The following ACO2 variants were observed in gnomAD, a reference collection of about 807,000 sequenced individuals.
ACO2 encodes aconitase 2, also known as aconitate hydratase, mitochondrial.
In ACO2, 31 loss-of-function variants were observed where a neutral mutation model predicts 84.5. The observed-to-expected ratio is 0.37, with a 90% CI of 0.28 to 0.50. ACO2 has a LOEUF of 0.50. Among genes scored for constraint, ACO2 ranks in the 20% least tolerant of loss-of-function variants. The pLI, the probability that ACO2 is intolerant of heterozygous loss-of-function variation, is 0.97. For missense variants in ACO2, 685 were observed against 1,029.3 expected (o/e 0.67, Z 4.58); for synonymous variants, 414 against 412.7 (o/e 1.00, Z -0.04).
chr22:41,512,501 G>A (rs1215289709), intron 4 of ACO2, among the ~76,000 whole-genome samples: 1 of 152,182 alleles, frequency 6.6e-6, no homozygotes, highest in Non-Finnish European at 1.5e-5. Context: ...ACACCTAGCT[G>A]GCTTACTGTG....
chr22:41,494,292 C>G (rs890716734), intron 1 of ACO2, among the ~76,000 whole-genome samples: 1 of 152,094 alleles, frequency 6.6e-6, no homozygotes, highest in African/African-American at 2.4e-5. Context: ...TCATAGGAGC[C>G]GCTTCACTGG....
intron 1 of ACO2, among the ~76,000 whole-genome samples, chr22:41,491,549 A>T (rs2066271672): frequency 6.6e-6 from 1 of 152,186 alleles, no homozygotes; most frequent in Non-Finnish European, 1.5e-5. Flanking sequence ...CTTCTGGAAA[A>T]TGCTAATCAG....
At chr22:41,526,080 G>A in intron 14 of ACO2, 182 bp from the exon 15 acceptor site, 1 of 579,692 alleles carries the variant, frequency 1.7e-6, no homozygotes, top group Non-Finnish European at 3.0e-6. Context: ...CCTGGCCTGA[G>A]CCCATGTGGC....
chr22:41,488,108 A>C (rs2066244650), intron 1 of ACO2, among the ~76,000 whole-genome samples: 3 of 152,176 alleles, frequency 2.0e-5, no homozygotes, highest in Admixed American at 6.6e-5. Flanking sequence ...CCTAATGTGC[A>C]CAATAGCAAC....
intron 15 of ACO2, chr22:41,526,962 T>A: frequency 2.3e-6 from 1 of 434,962 alleles, no homozygotes; most frequent in South Asian, 2.7e-5. Context: ...CACAGATGCA[T>A]CTTGTGTGGG....
chr22:41,497,992 A>G (rs2066327354), intron 1 of ACO2, among the ~76,000 whole-genome samples: 1 of 151,844 alleles, frequency 6.6e-6, no homozygotes, highest in Non-Finnish European at 1.5e-5. Flanking sequence ...AAAAATACAA[A>G]AATTAGCTGG....
intron 1 of ACO2, among the ~76,000 whole-genome samples, chr22:41,486,048 C>A (rs2038150741): frequency 6.6e-6 from 1 of 152,168 alleles, no homozygotes; most frequent in South Asian, 2.1e-4. Context: ...CTCTGTGAAG[C>A]CTTGTGGAAA....
At chr22:41,476,313 A>C (rs1018843763) in intron 1 of ACO2, among the ~76,000 whole-genome samples, 1 of 151,788 alleles carries the variant, frequency 6.6e-6, no homozygotes, top group African/African-American at 2.4e-5. Flanking sequence ...GGGCTAAGAC[A>C]GGAGAATCGT....
intron 1 of ACO2, among the ~76,000 whole-genome samples, chr22:41,483,428 G>A (rs191642706): frequency 4.4e-4 from 67 of 152,226 alleles, no homozygotes; most frequent in Admixed American, 3.5e-3. Flanking sequence ...AGGCCAAGGC[G>A]GGCGGATCAC....
chr22:41,473,708 G>A (rs747462311), intron 1 of ACO2, among the ~76,000 whole-genome samples: 1 of 152,114 alleles, frequency 6.6e-6, no homozygotes, highest in African/African-American at 2.4e-5. Context: ...TTTTAACTGG[G>A]GTGTTTGGGG....
intron 1 of ACO2, among the ~76,000 whole-genome samples, chr22:41,488,636 CAT>C (rs1033231262): frequency 3.9e-5 from 6 of 152,288 alleles, no homozygotes; most frequent in South Asian, 4.1e-4. Context: ...CATGTGCACA[CAT>C]GTAGCTCGTT....
intron 4 of ACO2, among the ~76,000 whole-genome samples, chr22:41,512,783 G>A (rs188292670): frequency 9.4e-4 from 143 of 152,318 alleles, no homozygotes; most frequent in African/African-American, 1.2e-3. Flanking sequence ...AAGTGTGAAC[G>A]TGTATATCCT....
At chr22:41,499,125 C>T (rs972081936) in intron 1 of ACO2, among the ~76,000 whole-genome samples, 118 of 152,018 alleles carry the variant, frequency 7.8e-4, no homozygotes, top group African/African-American at 2.6e-3. Flanking sequence ...AATTAGGCAC[C>T]ACCTTTTGAA....
At chr22:41,528,380 CT>C (rs2066648035) in intron 17 of ACO2, 98 bp from the exon 18 acceptor site, 2 of 1,514,384 alleles carry the variant, frequency 1.3e-6, no homozygotes, top group African/African-American at 1.4e-5. Flanking sequence ...CTGCTGACCT[CT>C]TAGGTCCCCA....
At chr22:41,493,011 G>A (rs1265102374) in intron 1 of ACO2, among the ~76,000 whole-genome samples, 1 of 152,202 alleles carries the variant, frequency 6.6e-6, no homozygotes, top group Non-Finnish European at 1.5e-5. Context: ...GTCCGAGATT[G>A]AGGGGCTGCA....
intron 1 of ACO2, among the ~76,000 whole-genome samples, chr22:41,478,614 T>C (rs377614225): frequency 1.3e-5 from 2 of 152,140 alleles, no homozygotes; most frequent in East Asian, 1.9e-4. Context: ...CCTTGGTGAA[T>C]TGAGGCCTGG....
intron 11 of ACO2, 120 bp downstream of exon 11, chr22:41,523,398 G>T: frequency 1.3e-6 from 1 of 768,796 alleles, no homozygotes. Flanking sequence ...CTAGCTCCAG[G>T]GACTCTTGCC....
intron 1 of ACO2, among the ~76,000 whole-genome samples, chr22:41,494,613 G>T (rs1240675485): frequency 6.6e-6 from 1 of 151,810 alleles, no homozygotes; most frequent in Non-Finnish European, 1.5e-5. Context: ...GTTTCACCAC[G>T]TTGGTCAGGC....
rs1204603317 is a variant in ACO2 at position 41,470,502 on chromosome 22, A to C, written c.36+1320A>C. On this transcript the variant is annotated intron_variant, in intron 1 of 17. Transcript: ENST00000216254. ...TCTCAATTCCGGGCTAAGGGAAAGG[A>C]TTTGCACCTAATTATCTCTTTACAT... Among the ~76,000 whole-genome samples, 5 of 140,584 alleles carry C rather than the reference A, an allele frequency of 3.6e-5. No homozygotes were observed. In the East Asian group the frequency reaches 1.0e-3, roughly 29 times the overall value. The allele number at this position is 140,584 out of a possible 152,430, so 92.2% of individuals were successfully genotyped here. A position where few individuals can be genotyped will look rare whatever the true frequency, so the allele number is the denominator to read the frequency against.
Sources: allele counts gnomAD v4.1 joint callset (sites outside exome capture counted in the v4.1 genomes callset), GRCh38; gene constraint gnomAD v4.1.1; transcripts MANE v1.5; gene names NCBI Gene and HGNC (gene_info 2026-07-23, HGNC 2026-07-21).